Variants in KIZ observed in about 807,000 individuals in gnomAD.
KIZ encodes kizuna centrosomal protein, also known as centrosomal protein kizuna.
A neutral mutation model predicts 79.6 loss-of-function variants in KIZ; 68 were observed. That is an observed-to-expected ratio of 0.85 (90% CI 0.70 to 1.05). KIZ has a LOEUF of 1.05. Among genes scored for constraint, KIZ ranks in the 50% least tolerant of loss-of-function variants. KIZ has a pLI of 0.00. For missense variants in KIZ, 797 were observed against 800.4 expected (o/e 1.00, Z 0.05); for synonymous variants, 280 against 281.8 (o/e 0.99, Z 0.06).
chr20:21,141,747 A>G (rs936381142), intron 3 of KIZ, among the ~76,000 whole-genome samples: 1 of 151,778 alleles, frequency 6.6e-6, no homozygotes, highest in Non-Finnish European at 1.5e-5. Flanking sequence ...GACAAAGCCC[A>G]GGTGCTGGTC....
intron 4 of KIZ, among the ~76,000 whole-genome samples, chr20:21,160,658 C>T (rs1480725574): frequency 2.6e-5 from 4 of 152,100 alleles, no homozygotes; most frequent in African/African-American, 9.7e-5. Context: ...CTTAGTATAG[C>T]CATTGATATG....
chr20:21,138,071 C>CGTA (rs2032300706), intron 3 of KIZ, among the ~76,000 whole-genome samples: 1 of 92,634 alleles, frequency 1.1e-5, no homozygotes, highest in African/African-American at 3.1e-5. Context: ...TGCACCCAGA[C>CGTA]ATAATATTTA....
intron 6 of KIZ, chr20:21,194,007 A>G (rs1156968628): frequency 1.3e-5 from 2 of 152,108 alleles, no homozygotes; most frequent in Non-Finnish European, 2.9e-5. Context: ...AAGTATAATA[A>G]TAATAAAATT....
intron 6 of KIZ, among the ~76,000 whole-genome samples, chr20:21,173,937 A>G (rs2034329237): frequency 6.6e-6 from 1 of 152,174 alleles, no homozygotes; most frequent in African/African-American, 2.4e-5. Context: ...GAGTGAATGT[A>G]AATAGGAAAG....
At chr20:21,238,880 C>T (rs956092705) in intron 11 of KIZ, among the ~76,000 whole-genome samples, 7 of 152,228 alleles carry the variant, frequency 4.6e-5, no homozygotes, top group Admixed American at 2.0e-4. Context: ...AGGGCACCCA[C>T]TCATCAGGTT....
At chr20:21,222,043 A>C (rs1224406496) in intron 9 of KIZ, among the ~76,000 whole-genome samples, 5 of 152,254 alleles carry the variant, frequency 3.3e-5, no homozygotes, top group Non-Finnish European at 5.9e-5. Context: ...GTCCATTGAA[A>C]GTCCACGTGG....
chr20:21,150,641 C>T (rs968692036), intron 4 of KIZ, among the ~76,000 whole-genome samples: 1 of 152,182 alleles, frequency 6.6e-6, no homozygotes, highest in Non-Finnish European at 1.5e-5. Flanking sequence ...GAAATTAACC[C>T]GAATTACACA....
chr20:21,131,740 A>G, intron 1 of KIZ: 1 of 210,274 alleles, frequency 4.8e-6, no homozygotes, highest in Non-Finnish European at 9.4e-6. Flanking sequence ...GGGTCATCAT[A>G]GGCACTCAGG....
Position 21,163,063 on chromosome 20 carries a change from A to G in KIZ, c.1256A>G (p.Glu419Gly), listed in dbSNP as rs1297692859. 1.2e-6 allele frequency: 2 copies of G among 1,613,684 alleles called. No homozygotes were observed. The highest frequency in any genetic ancestry group is 2.7e-5 in the African/African-American group (2 of 74,922). The change falls in exon 6 of 13, where the codon GAA becomes GGA. Residue 419 changes from glutamate to glycine, a missense_variant. By Grantham distance (98) the Glu-to-Gly change is moderately conservative. Transcript: ENST00000619189. ...TTAAAATTAATCCATGCTGAGCAAG[A>G]AAGAGTTGCCCTATCCACTGAAAAA... is the stretch of plus-strand genomic sequence containing the variant. ...EALKLIHAEQ[E>G]RVALSTEKNC...
chr20:21,189,944 T>C (rs1348757731), intron 6 of KIZ, among the ~76,000 whole-genome samples: 2 of 152,140 alleles, frequency 1.3e-5, no homozygotes, highest in East Asian at 1.9e-4. Context: ...ACAATGGAGA[T>C]TGAGGTAGCC....
intron 11 of KIZ, among the ~76,000 whole-genome samples, chr20:21,236,333 T>A (rs545827905): frequency 6.6e-6 from 1 of 152,240 alleles, no homozygotes; most frequent in Non-Finnish European, 1.5e-5. Context: ...TTCTGGATTA[T>A]TTTTTGCCTT....
At chr20:21,229,559 T>C (rs181497569) in intron 10 of KIZ, among the ~76,000 whole-genome samples, 1 of 151,810 alleles carries the variant, frequency 6.6e-6, no homozygotes, top group African/African-American at 2.4e-5. Context: ...TTTTATTATT[T>C]TATTTTATTT....
intron 7 of KIZ, among the ~76,000 whole-genome samples, chr20:21,212,739 T>C (rs2036118650): frequency 6.6e-6 from 1 of 152,148 alleles, no homozygotes; most frequent in African/African-American, 2.4e-5. Flanking sequence ...GCAATGGCAG[T>C]ATTCTTGTCA....
chr20:21,153,166 T>G (rs1478268475), intron 4 of KIZ, among the ~76,000 whole-genome samples: 1 of 152,212 alleles, frequency 6.6e-6, no homozygotes, highest in Non-Finnish European at 1.5e-5. Context: ...TCTTAGCTCC[T>G]CCTTGTCACC....
chr20:21,203,678 A>G (rs918945142), intron 6 of KIZ, among the ~76,000 whole-genome samples: 1 of 152,202 alleles, frequency 6.6e-6, no homozygotes, highest in Non-Finnish European at 1.5e-5. Flanking sequence ...TTTTTTGACC[A>G]CAAAAGCAGG....
At chr20:21,242,370 A>G (rs1033920037) in intron 11 of KIZ, among the ~76,000 whole-genome samples, 1 of 152,194 alleles carries the variant, frequency 6.6e-6, no homozygotes, top group African/African-American at 2.4e-5. Context: ...TGGAGCGACC[A>G]GATTTGCATT....
At chr20:21,243,585 C>A (rs2037289518) in intron 11 of KIZ, among the ~76,000 whole-genome samples, 1 of 152,162 alleles carries the variant, frequency 6.6e-6, no homozygotes, top group Middle Eastern at 3.2e-3. Context: ...CCTGAGGAGA[C>A]TTTTAAATTC....
At chr20:21,161,022 G>A (rs990228715) in intron 4 of KIZ, 3 of 152,176 alleles carry the variant, frequency 2.0e-5, no homozygotes, top group Non-Finnish European at 4.4e-5. Flanking sequence ...GACCAAGACA[G>A]CCATCATAGT....
At chr20:21,153,770 T>C (rs2033235050) in intron 4 of KIZ, among the ~76,000 whole-genome samples, 1 of 152,128 alleles carries the variant, frequency 6.6e-6, no homozygotes, top group Non-Finnish European at 1.5e-5. Context: ...TGTGTCCTCA[T>C]GTGCCTTTTC....
Sources: gnomAD v4.1 joint callset for allele counts (sites outside exome capture counted in the v4.1 genomes callset) on GRCh38, gnomAD v4.1.1 for gene constraint, MANE v1.5 for transcripts, NCBI Gene and HGNC (gene_info 2026-07-23, HGNC 2026-07-21) for gene names.